The following TYK2 variants were observed in gnomAD, a reference collection of about 807,000 sequenced individuals.
The protein encoded by TYK2 is tyrosine kinase 2, also known as non-receptor tyrosine-protein kinase TYK2.
TYK2 carries 65 observed loss-of-function variants against 130.9 expected under a neutral mutation model. That is an observed-to-expected ratio of 0.50 (90% confidence interval 0.41 to 0.61). The LOEUF (loss-of-function observed/expected upper bound fraction) is 0.61, where lower values mean the gene tolerates loss of function less well. Ranked by LOEUF, TYK2 falls within the 20% of genes least tolerant of loss-of-function variation. The pLI, the probability that TYK2 is intolerant of heterozygous loss-of-function variation, is 0.00. For missense variants in TYK2, 1,378 were observed against 1,610.7 expected (o/e 0.86, Z 2.47); for synonymous variants, 647 against 658.9 (o/e 0.98, Z 0.28).
rs1162816201 is a variant in TYK2, at chr19:10,352,569, C to T, written c.3201-18G>A. ...GGGCATACCTAGGGGGAGGGGGGCACTCAGGCCACGGGGGGCTGCACTGAG... is the reference window on the plus strand; with the variant it reads ...GGGCATACCTAGGGGGAGGGGGGCATTCAGGCCACGGGGGGCTGCACTGAG... On this transcript the variant is annotated intron_variant, in intron 22 of 24. Transcript: ENST00000525621. 3.8e-6 allele frequency: 5 copies of T among 1,333,130 alleles called. No homozygotes were observed. The highest frequency in any genetic ancestry group is 5.2e-6 in the Non-Finnish European group (5 of 957,624). 82.6% of individuals were successfully genotyped at this position (1,333,130 alleles called of 1,614,324 possible). A position where few individuals can be genotyped will look rare whatever the true frequency, so the allele number is the denominator to read the frequency against.
rs143209343 is a variant in TYK2 at position 10,366,613 on chromosome 19, G to A, written c.466-33C>T. ...CAGGAAATTGAGCAGAAAGGGAGGT[G>A]TGAGAATGCGTTCCTCTCTAGCCCA... On this transcript the variant is annotated intron_variant, in intron 5 of 24. Transcript: ENST00000525621. The A allele has an allele frequency of 4.2e-5, 68 of 1,613,122 alleles. No individual in the cohort carries two copies. The African/African-American group carries it at 6.7e-4, about 16-fold the overall frequency.
chr19:10,359,242 C>T lies in TYK2; in HGVS notation c.2108G>A (p.Arg703Gln), dbSNP rs552478414. Reference protein sequence around the residue: ...GPLDVWLRRERGHVPMAWKMV... With the variant: ...GPLDVWLRREQGHVPMAWKMV... Reference sequence around the variant, plus strand: ...CTTCCAAGCCATGGGCACATGGCCCCGCTCCCTCCGCAGCCACACATCCAG... The same window carrying T: ...CTTCCAAGCCATGGGCACATGGCCCTGCTCCCTCCGCAGCCACACATCCAG... Residue 703 changes from arginine (R) to glutamine (Q), a missense_variant, in exon 15 of 25, where the codon CGG (arginine) becomes CAG (glutamine). Transcript: ENST00000525621. The T allele has an allele frequency of 8.7e-6, 14 of 1,610,842 alleles. No individual in the cohort carries two copies. The highest frequency in any genetic ancestry group is 2.7e-5 in the African/African-American group (2 of 74,934).
At chr19:10,366,229 C>T (rs12720353) in intron 6 of TYK2, among the ~76,000 whole-genome samples, 188 bp downstream of exon 6, 6 of 152,108 alleles carry the variant, frequency 3.9e-5, no homozygotes, top group Non-Finnish European at 8.8e-5. Flanking sequence ...ATCTCTTGAA[C>T]CTGGGACGCA....
rs972695864 is a variant in TYK2 at position 10,361,847 on chromosome 19, C to T, written c.1882G>A (p.Val628Met). The stretch of plus-strand genomic sequence containing the variant: ...TCCTGCCCACGGTCCCTGCCAGGCA[C>T]GAGGGGGTCCTCGTCATCCATCTTG... ...EGKMDDEDPL[V>M]PGRDRGQELR... is the part of the protein sequence containing the mutation. Residue 628 changes from valine to methionine, a missense_variant, in exon 13 of 25, where the codon GTG (valine) becomes ATG (methionine). Transcript: ENST00000525621. The surrounding 1 kb of genome is among the most constrained non-coding windows in gnomAD (Gnocchi z 4.0). 1.3e-5 allele frequency: 21 copies of T among 1,613,902 alleles called. No individual in the cohort carries two copies. Among genetic ancestry groups the T allele is most frequent in the Middle Eastern group, 1.6e-4 (1 of 6,084 alleles).
At chr19:10,366,794 C>T (rs1470265219) in intron 5 of TYK2, among the ~76,000 whole-genome samples, 1 of 151,610 alleles carries the variant, frequency 6.6e-6, no homozygotes, top group African/African-American at 2.4e-5. Flanking sequence ...CCTATAATCC[C>T]AGCACTTTGG....
rs201107041 is a variant in TYK2, at chr19:10,366,463, C to T, written c.583G>A (p.Ala195Thr). The change falls in exon 6 of 25, where the codon GCT becomes ACT. Residue 195 changes from alanine to threonine, a missense_variant. Transcript: ENST00000525621. ...TCCAGGGGGATGCCATGGCGGAGAGCGAGGTGACAGAGGTGCAGAAAGGCC... is the reference window on the plus strand; with the variant it reads ...TCCAGGGGGATGCCATGGCGGAGAGTGAGGTGACAGAGGTGCAGAAAGGCC... Reference protein sequence around the residue: ...GMAFLHLCHLALRHGIPLEEV... With the variant: ...GMAFLHLCHLTLRHGIPLEEV... 55 of 1,613,952 alleles carry T rather than the reference C, an allele frequency of 3.4e-5. No individual in the cohort carries two copies. Among genetic ancestry groups the T allele is most frequent in the South Asian group, 3.1e-4 (28 of 91,082 alleles).
At chr19:10,362,790 G>A (rs567649000) in intron 9 of TYK2, 133 bp from the exon 10 acceptor site, 3 of 751,718 alleles carry the variant, frequency 4.0e-6, no homozygotes, top group South Asian at 3.2e-5. Context: ...AGCCACTCTT[G>A]TGGGGACACT....
At position 10,356,624 on chromosome 19, in the gene TYK2, G is replaced by C. The variant is rs1439963615; in HGVS notation, c.2561C>G (p.Thr854Ser). ...GATGGTGCGGAATGATGGCCTCTGG[G>C]TTGGCTCATAGGTCAGACACTGGCT... Reference protein sequence around the residue: ...LTSQCLTYEPTQRPSFRTILR... With the variant: ...LTSQCLTYEPSQRPSFRTILR... Residue 854 changes from threonine to serine, a missense_variant, in exon 18 of 25, where the codon ACC becomes AGC. By Grantham distance (58) the Thr-to-Ser change is moderately conservative (BLOSUM62 1). Coordinates refer to ENST00000525621, the MANE Select transcript of TYK2 (RefSeq NM_003331.5). 1.2e-6 allele frequency: 2 copies of C among 1,613,808 alleles called. No homozygotes were observed. Among genetic ancestry groups the C allele is most frequent in the Non-Finnish European group, 1.7e-6 (2 of 1,179,970 alleles).
intron 12 of TYK2, 41 bp downstream of exon 12, chr19:10,362,037 A>C: frequency 6.2e-7 from 1 of 1,612,496 alleles, no homozygotes; most frequent in South Asian, 1.1e-5. Context: ...CCACATCCCC[A>C]GGGGCCCTGC....
At chr19:10,366,030 T>C in intron 6 of TYK2, 132 bp from the exon 7 acceptor site, 2 of 1,037,624 alleles carry the variant, frequency 1.9e-6, no homozygotes, top group Non-Finnish European at 2.7e-6. Flanking sequence ...TAGCCAGGTG[T>C]GGTGACTTGA....
Position 10,351,169 on chromosome 19 carries a change from T to C in TYK2, c.3319-7A>G. On this transcript the variant is annotated splice_region_variant and splice_polypyrimidine_tract_variant and intron_variant, in intron 23 of 24. Coordinates refer to ENST00000525621, the MANE Select transcript of TYK2 (RefSeq NM_003331.5). ...CTATGAGCTCAAGGAATTTCTACAGTATAAACAAGACAAGCTCTTTTCAAG... is the reference window on the plus strand; with the variant it reads ...CTATGAGCTCAAGGAATTTCTACAGCATAAACAAGACAAGCTCTTTTCAAG... The C allele has an allele frequency of 6.2e-7, 1 of 1,610,574 alleles. No individual in the cohort carries two copies. Among genetic ancestry groups the C allele is most frequent in the East Asian group, 2.2e-5 (1 of 44,850 alleles).
chr19:10,367,973 TG>T, intron 5 of TYK2, 81 bp downstream of exon 5: 1 of 1,521,322 alleles, frequency 6.6e-7, no homozygotes. Context: ...TTAGCTATAT[TG>T]AATCAGGGAG....
chr19:10,375,760 C>CAAA (rs775310496), intron 3 of TYK2, among the ~76,000 whole-genome samples: 3 of 109,288 alleles, frequency 2.7e-5, no homozygotes, highest in African/African-American at 9.9e-5. Flanking sequence ...ACTAAAAATA[C>CAAA]AAAAAAAAAA....
Position 10,361,639 on chromosome 19 carries a change from C to T in TYK2, c.1960-41G>A, listed in dbSNP as rs371170644. On this transcript the variant is annotated intron_variant, in intron 13 of 24. Coordinates refer to ENST00000525621, the MANE Select transcript of TYK2 (RefSeq NM_003331.5). The surrounding 1 kb of genome is among the most constrained non-coding windows in gnomAD (Gnocchi z 4.0). ...AGGTCAGGTGGCTGCAAAGCCGACC[C>T]CTCCCATCCCACCTCCTCCACGGAC... The T allele has an allele frequency of 1.9e-6, 3 of 1,555,904 alleles. No homozygotes were observed. The highest frequency in any genetic ancestry group is 1.4e-5 in the African/African-American group (1 of 73,448).
intron 3 of TYK2, among the ~76,000 whole-genome samples, chr19:10,373,683 C>G (rs2042006846): frequency 6.6e-6 from 1 of 152,092 alleles, no homozygotes; most frequent in South Asian, 2.1e-4. Context: ...AATAAAAGAA[C>G]TAGTCAGACT....
intron 3 of TYK2, among the ~76,000 whole-genome samples, chr19:10,375,760 CAA>C (rs775310496): frequency 1.1e-4 from 12 of 109,254 alleles, no homozygotes; most frequent in Admixed American, 2.9e-4. Context: ...ACTAAAAATA[CAA>C]AAAAAAAAAA....
intron 18 of TYK2, 31 bp from the exon 19 acceptor site, chr19:10,354,640 C>A (rs559638659): frequency 6.4e-7 from 1 of 1,573,446 alleles, no homozygotes; most frequent in East Asian, 2.2e-5. Context: ...AAAGGCCTGA[C>A]CCCGATCCTT....
Position 10,366,479 on chromosome 19 carries a change from C to G in TYK2, c.567G>C (p.Leu189=). The G allele has an allele frequency of 6.2e-7, 1 of 1,614,084 alleles. No individual in the cohort carries two copies. The highest frequency in any genetic ancestry group is 8.5e-7 in the Non-Finnish European group (1 of 1,180,034). ...GGCGGAGAGCGAGGTGACAGAGGTG[C>G]AGAAAGGCCATGCCCAGGCTCTCAT... ...FKNESLGMAF[L]HLCHLALRHG... Residue 189 remains leucine, a synonymous_variant, in exon 6 of 25, where the codon CTG becomes CTC. Transcript: ENST00000525621.
At chr19:10,358,294 GTTTTTTT>G (rs770531180) in intron 15 of TYK2, among the ~76,000 whole-genome samples, 156 bp from the exon 16 acceptor site, 74 of 91,396 alleles carry the variant, frequency 8.1e-4, no homozygotes, top group African/African-American at 3.1e-3. Context: ...TTTTTTTCTT[GTTTTTTT>G]TTTTTTTTTT....
Sources: allele counts gnomAD v4.1 joint callset (sites outside exome capture counted in the v4.1 genomes callset), GRCh38; gene constraint gnomAD v4.1.1; non-coding constraint Gnocchi (gnomAD v3.1); transcripts MANE v1.5; gene names NCBI Gene and HGNC (gene_info 2026-07-23, HGNC 2026-07-21).